The following SMAD1 variants were observed in gnomAD, a reference collection of about 807,000 sequenced individuals.
The protein encoded by SMAD1 is SMAD family member 1, also known as MAD, mothers against decapentaplegic homolog 1.
Under a neutral mutation model 41.6 loss-of-function variants are expected in SMAD1, and 6 were observed. The observed-to-expected ratio is 0.14, with a 90% CI of 0.08 to 0.28. The LOEUF (loss-of-function observed/expected upper bound fraction) is 0.28, where lower values mean the gene tolerates loss of function less well. SMAD1 is among the 10% of genes least tolerant of loss of function. The pLI is 1.00. For missense variants in SMAD1, 379 were observed against 582.6 expected (o/e 0.65, Z 3.60); for synonymous variants, 206 against 203.2 (o/e 1.01, Z -0.12).
chr4:145,539,951 C>A lies in SMAD1; in HGVS notation c.548C>A (p.Pro183Gln). The stretch of plus-strand genomic sequence containing the variant: ...TCTTTCCAGCAACCCAACAGCCACC[C>A]GTTTCCTCACTCTCCCAATAGCAGT... ...PDSFQQPNSH[P>Q]FPHSPNSSYP... The change falls in exon 3 of 7, where the codon CCG becomes CAG. Residue 183 changes from proline (P) to glutamine (Q), a missense_variant. Pro to Gln is a moderately conservative substitution (Grantham distance 76). Around this residue, in one of 3 missense-constraint regions of SMAD1, gnomAD observed 208 missense variants for 210.5 expected, o/e 0.99. Transcript: ENST00000302085. The A allele has an allele frequency of 6.2e-7, 1 of 1,614,026 alleles. No individual in the cohort carries two copies. The highest frequency in any genetic ancestry group is 8.5e-7 in the Non-Finnish European group (1 of 1,179,990).
intron 1 of SMAD1, among the ~76,000 whole-genome samples, chr4:145,503,249 C>T (rs1729565604): frequency 6.6e-6 from 1 of 151,910 alleles, no homozygotes; most frequent in African/African-American, 2.4e-5. Flanking sequence ...TGGTAGGACT[C>T]TCCTGCTGCT....
At chr4:145,509,935 C>A (rs1257913674) in intron 1 of SMAD1, among the ~76,000 whole-genome samples, 1 of 152,198 alleles carries the variant, frequency 6.6e-6, no homozygotes, top group Non-Finnish European at 1.5e-5. Flanking sequence ...AATTATTCAT[C>A]AGGCATTTAG....
In SMAD1 at chr4:145,559,143, T is replaced by C. The variant is rs1733000853; in HGVS notation, c.*1209T>C. On this transcript the variant is annotated 3_prime_UTR_variant, in exon 7 of 7. Transcript: ENST00000302085. ...GGTTTTCTCTACTGGAAATTTTCAA[T>C]AAACCTGTCATTATTGCTTACTTTG... Among the ~76,000 whole-genome samples, 1 of 152,184 alleles carries C rather than the reference T, an allele frequency of 6.6e-6. No individual in the cohort carries two copies. Among genetic ancestry groups the C allele is most frequent in the African/African-American group, 2.4e-5 (1 of 41,442 alleles).
rs572166669 is a variant in SMAD1, at chr4:145,515,845, TGGC to T, written c.400+833_400+835del. Among the ~76,000 whole-genome samples, 264 of 152,288 alleles carry T rather than the reference TGGC, an allele frequency of 1.7e-3. 1 individual carries two copies. The highest frequency in any genetic ancestry group is 3.3e-3 in the Non-Finnish European group (223 of 68,010). On this transcript the variant is annotated intron_variant, in intron 2 of 6. Coordinates refer to ENST00000302085, the MANE Select transcript of SMAD1 (RefSeq NM_005900.3). ...ACTAAGGCTGTATATTAGAATCACA[TGGC>T]TCTCCTCCCAGAAATCCTGATCCTG...
rs928839842 is a variant in SMAD1, at chr4:145,482,332, C to T, written c.-177+294C>T. Among the ~76,000 whole-genome samples, 15 of 151,246 alleles carry T rather than the reference C, an allele frequency of 9.9e-5. No individual in the cohort carries two copies. Among genetic ancestry groups the T allele is most frequent in the Non-Finnish European group, 2.1e-4 (14 of 67,754 alleles). ...TCCCCTGGTGTCTTTGTTGGGTCTT[C>T]TGCTGTGGGAAGCCCAGTTCCCGGG... On this transcript the variant is annotated intron_variant, in intron 1 of 6. Transcript: ENST00000302085. The surrounding 1 kb of genome is among the most constrained non-coding windows in gnomAD (Gnocchi z 4.2).
At chr4:145,501,512 C>CCGT (rs1729435118) in intron 1 of SMAD1, among the ~76,000 whole-genome samples, 1 of 152,136 alleles carries the variant, frequency 6.6e-6, no homozygotes, top group South Asian at 2.1e-4. Flanking sequence ...AGAGTTCAGG[C>CCGT]CGTCCTGCTT....
At chr4:145,534,731 C>T (rs533773813) in intron 2 of SMAD1, among the ~76,000 whole-genome samples, 1 of 152,278 alleles carries the variant, frequency 6.6e-6, no homozygotes, top group South Asian at 2.1e-4. Flanking sequence ...AAATTAGATC[C>T]ATTCCTCATA....
At chr4:145,523,123 C>A (rs1003106247) in intron 2 of SMAD1, among the ~76,000 whole-genome samples, 1 of 152,166 alleles carries the variant, frequency 6.6e-6, no homozygotes, top group African/African-American at 2.4e-5. Flanking sequence ...TGTGTTCCTG[C>A]GTGTCTAAAT....
intron 2 of SMAD1, among the ~76,000 whole-genome samples, chr4:145,534,654 C>T (rs1401235999): frequency 1.3e-5 from 2 of 152,196 alleles, no homozygotes; most frequent in African/African-American, 2.4e-5. Context: ...ACTCCAATCA[C>T]TGGGTCAAAG....
At chr4:145,550,888 A>G (rs1732522610) in intron 5 of SMAD1, among the ~76,000 whole-genome samples, 1 of 152,200 alleles carries the variant, frequency 6.6e-6, no homozygotes, top group Non-Finnish European at 1.5e-5. Flanking sequence ...ATTTGAATAA[A>G]TAGGCAGTCT....
chr4:145,535,486 C>A (rs186412607), intron 2 of SMAD1, among the ~76,000 whole-genome samples: 1 of 152,226 alleles, frequency 6.6e-6, no homozygotes, highest in African/African-American at 2.4e-5. Context: ...TCTGTCAAAC[C>A]ACATGAGGAA....
chr4:145,546,328 T>C (rs1732250849), intron 4 of SMAD1: 1 of 199,732 alleles, frequency 5.0e-6, no homozygotes, highest in South Asian at 1.1e-4. Flanking sequence ...TTTTTTCACT[T>C]GTCACTTGTG....
chr4:145,542,982 GT>G (rs71592406), intron 4 of SMAD1, among the ~76,000 whole-genome samples: 1 of 148,440 alleles, frequency 6.7e-6, no homozygotes, highest in African/African-American at 2.5e-5. Flanking sequence ...TTTTTTTTTT[GT>G]TTTTTTTTGA....
chr4:145,550,891 G>A (rs574372432), intron 5 of SMAD1, among the ~76,000 whole-genome samples: 7 of 152,204 alleles, frequency 4.6e-5, no homozygotes, highest in South Asian at 4.2e-4. Context: ...TGAATAAATA[G>A]GCAGTCTGTG....
intron 1 of SMAD1, chr4:145,497,238 G>T (rs1339487406): frequency 6.6e-6 from 1 of 152,194 alleles, no homozygotes; most frequent in Non-Finnish European, 1.5e-5. Context: ...GAAACAGCTG[G>T]TTGATATTTG....
intron 1 of SMAD1, among the ~76,000 whole-genome samples, chr4:145,507,542 A>G (rs759841360): frequency 4.0e-5 from 6 of 151,898 alleles, no homozygotes; most frequent in Non-Finnish European, 5.9e-5. Context: ...TCTGATGAAA[A>G]TCTTTGTGCA....
intron 5 of SMAD1, among the ~76,000 whole-genome samples, chr4:145,547,285 A>C (rs1329986537): frequency 2.8e-5 from 4 of 144,246 alleles, no homozygotes; most frequent in African/African-American, 1.2e-4. Context: ...AATGAATACC[A>C]TAACTCAGTA....
chr4:145,542,509 C>A, intron 3 of SMAD1, 73 bp from the exon 4 acceptor site: 1 of 832,904 alleles, frequency 1.2e-6, no homozygotes, highest in Non-Finnish European at 1.9e-6. Flanking sequence ...AATTTCAGTA[C>A]AGAAGAGGAT....
intron 2 of SMAD1, 127 bp from the exon 3 acceptor site, chr4:145,539,677 A>T: frequency 1.2e-6 from 1 of 862,260 alleles, no homozygotes; most frequent in Non-Finnish European, 1.8e-6. Flanking sequence ...GATGCTTTTG[A>T]GTTGGCAGCA....
Sources: gnomAD v4.1 joint callset for allele counts (sites outside exome capture counted in the v4.1 genomes callset) on GRCh38, gnomAD v4.1.1 for gene constraint, gnomAD v4.1.1 regional missense constraint, Gnocchi (gnomAD v3.1) non-coding constraint, MANE v1.5 for transcripts, NCBI Gene and HGNC (gene_info 2026-07-23, HGNC 2026-07-21) for gene names.